RAPGEF2: variants seen among roughly 807,000 people sequenced by gnomAD.
RAPGEF2 encodes the protein PDZ domain containing guanine nucleotide exchange factor (GEF) 1.
A neutral mutation model predicts 186.7 loss-of-function variants in RAPGEF2; 54 were observed. The ratio of observed to expected loss-of-function variants is 0.29; its 90% CI spans 0.23 to 0.36. The LOEUF (loss-of-function observed/expected upper bound fraction) is 0.36, where lower values mean the gene tolerates loss of function less well. RAPGEF2 is among the 10% of genes least tolerant of loss of function. The pLI is 1.00. For synonymous variants in RAPGEF2, 712 were observed against 705.9 expected (o/e 1.01, Z -0.14); for missense variants, 1,532 against 2,045.0 (o/e 0.75, Z 4.84).
chr4:159,250,938 G>A (rs1236439963), intron 7 of RAPGEF2, among the ~76,000 whole-genome samples: 2 of 152,168 alleles, frequency 1.3e-5, no homozygotes, highest in Non-Finnish European at 2.9e-5. Context: ...TGCGCAGGTG[G>A]GAACCTGGGC....
chr4:159,128,919 G>A (rs1056653205), intron 1 of RAPGEF2: 1 of 57,252 alleles, frequency 1.7e-5, no homozygotes, highest in African/African-American at 8.2e-5. Flanking sequence ...ATACATATGG[G>A]GGGTGTGTGT....
Position 159,352,846 on chromosome 4 carries a change from A to G in RAPGEF2, c.4027A>G (p.Thr1343Ala). ...GAGGCATTCTGTCAGCATCGTGGAAACAAACCTAGGGATGGGCAGGATGGA... is the reference window on the plus strand; with the variant it reads ...GAGGCATTCTGTCAGCATCGTGGAAGCAAACCTAGGGATGGGCAGGATGGA... ...RQRHSVSIVE[T>A]NLGMGRMERR... The change falls in exon 27 of 30, where the codon ACA becomes GCA. Residue 1343 changes from threonine to alanine, a missense_variant. Physicochemically the swap from Thr to Ala is moderately conservative, Grantham distance 58. Coordinates refer to ENST00000691494, the MANE Select transcript of RAPGEF2 (RefSeq NM_001394067.2). 6.2e-7 allele frequency: 1 copy of G among 1,614,232 alleles called. No individual in the cohort carries two copies. Among genetic ancestry groups the G allele is most frequent in the Non-Finnish European group, 8.5e-7 (1 of 1,180,048 alleles).
chr4:159,318,936 G>A (rs1222280471), intron 9 of RAPGEF2, among the ~76,000 whole-genome samples: 1 of 152,050 alleles, frequency 6.6e-6, no homozygotes. Context: ...CGTTAGATAG[G>A]TCATAATAGT....
At chr4:159,241,468 T>A in intron 6 of RAPGEF2, 100 bp downstream of exon 6, 1 of 516,362 alleles carries the variant, frequency 1.9e-6, no homozygotes, top group Non-Finnish European at 2.9e-6. Flanking sequence ...ATCTTTTCAA[T>A]TATATATATA....
intron 1 of RAPGEF2, among the ~76,000 whole-genome samples, chr4:159,144,025 A>G (rs935631028): frequency 6.6e-6 from 1 of 152,140 alleles, no homozygotes; most frequent in Non-Finnish European, 1.5e-5. Context: ...GTCTATGTGT[A>G]TATGTCTGAC....
chr4:159,204,457 AGATCAAGTATTTCCC>A (rs1749756794), intron 3 of RAPGEF2, among the ~76,000 whole-genome samples: 1 of 152,214 alleles, frequency 6.6e-6, no homozygotes, highest in Non-Finnish European at 1.5e-5. Context: ...TGAGGGGGTC[AGATCAAGTATTTCCC>A]TCATGCCCAT....
intron 1 of RAPGEF2, among the ~76,000 whole-genome samples, chr4:159,126,533 A>T (rs898640106): frequency 2.0e-5 from 3 of 147,032 alleles, no homozygotes; most frequent in Non-Finnish European, 1.5e-5. Context: ...CCAGGTTTTA[A>T]AAAAAAAAAA....
chr4:159,348,282 G>A (rs373805777), intron 25 of RAPGEF2, among the ~76,000 whole-genome samples: 7 of 120,414 alleles, frequency 5.8e-5, no homozygotes, highest in African/African-American at 1.1e-4. Flanking sequence ...ATGGATGGAT[G>A]GATAGATAGA....
At chr4:159,251,976 A>C (rs896363841) in intron 7 of RAPGEF2, among the ~76,000 whole-genome samples, 13 of 152,094 alleles carry the variant, frequency 8.5e-5, no homozygotes, top group Non-Finnish European at 1.5e-4. Flanking sequence ...TTCCCTCCTG[A>C]AGTCAGAGAC....
intron 1 of RAPGEF2, among the ~76,000 whole-genome samples, chr4:159,148,456 A>G (rs1000736761): frequency 1.3e-5 from 2 of 152,232 alleles, no homozygotes; most frequent in African/African-American, 2.4e-5. Flanking sequence ...AAGTCAAACT[A>G]TCAGATTATT....
rs1753622538 is a variant in RAPGEF2, at chr4:159,238,956, C to CT, written c.357+74dup. 3 of 874,624 alleles carry CT rather than the reference C, an allele frequency of 3.4e-6. No homozygotes were observed. The East Asian group carries it at 9.0e-5, about 26-fold the overall frequency. 54.2% of individuals were successfully genotyped at this position (874,624 alleles called of 1,614,324 possible). A position where few individuals can be genotyped will look rare whatever the true frequency, so the allele number is the denominator to read the frequency against. On this transcript the variant is annotated intron_variant, in intron 5 of 29. Coordinates refer to ENST00000691494, the MANE Select transcript of RAPGEF2 (RefSeq NM_001394067.2). The stretch of plus-strand genomic sequence containing the variant: ...GAAATAAAGGCATTTTTATAAACTG[C>CT]TTATAATATTAGATTTTTGTTGAAT...
chr4:159,209,110 T>C (rs1023864666), intron 3 of RAPGEF2, among the ~76,000 whole-genome samples: 1 of 151,170 alleles, frequency 6.6e-6, no homozygotes, highest in African/African-American at 2.4e-5. Context: ...CAGGCTGGTC[T>C]TGAACTCCTG....
chr4:159,186,623 ATTCTT>A lies in RAPGEF2; in HGVS notation c.70-12_70-8del, dbSNP rs775927110. On this transcript the variant is annotated splice_polypyrimidine_tract_variant and intron_variant, in intron 1 of 29. Coordinates refer to ENST00000691494, the MANE Select transcript of RAPGEF2 (RefSeq NM_001394067.2). ...TTTCCTGACAGGTCTAATAATTTCT[ATTCTT>A]TTCTTTGAAACAGGATCTGGAAATA... The A allele has an allele frequency of 7.5e-7, 1 of 1,336,754 alleles. No homozygotes were observed. Among genetic ancestry groups the A allele is most frequent in the Non-Finnish European group, 1.0e-6 (1 of 996,262 alleles). The allele number at this position is 1,336,754 out of a possible 1,614,324, so 82.8% of individuals were successfully genotyped here. A position where few individuals can be genotyped will look rare whatever the true frequency, so the allele number is the denominator to read the frequency against.
At chr4:159,320,989 C>T (rs1765169988) in intron 9 of RAPGEF2, among the ~76,000 whole-genome samples, 1 of 151,972 alleles carries the variant, frequency 6.6e-6, no homozygotes, top group Non-Finnish European at 1.5e-5. Context: ...ATCTTTATTG[C>T]ATTTTATTCT....
chr4:159,294,293 T>G (rs115977431), intron 7 of RAPGEF2, among the ~76,000 whole-genome samples: 1 of 152,180 alleles, frequency 6.6e-6, no homozygotes, highest in Non-Finnish European at 1.5e-5. Flanking sequence ...CCATACTCCA[T>G]TGAGCATTTC....
chr4:159,322,171 C>T (rs901707742), intron 9 of RAPGEF2, among the ~76,000 whole-genome samples, 176 bp from the exon 10 acceptor site: 12 of 152,172 alleles, frequency 7.9e-5, no homozygotes, highest in African/African-American at 2.9e-4. Flanking sequence ...TCCACAGTGA[C>T]AGAATTCTTT....
At chr4:159,286,030 A>AGCC (rs1554026580) in intron 7 of RAPGEF2, among the ~76,000 whole-genome samples, 1 of 89,234 alleles carries the variant, frequency 1.1e-5, no homozygotes, top group Non-Finnish European at 2.4e-5. Context: ...TGTTCCCCCC[A>AGCC]ACCACCACCA....
chr4:159,104,553 AGTGTGTGT>A (rs1219918425), intron 1 of RAPGEF2, among the ~76,000 whole-genome samples: 2 of 136,028 alleles, frequency 1.5e-5, no homozygotes, highest in African/African-American at 5.9e-5. Flanking sequence ...AGAGAGAGAG[AGTGTGTGT>A]GTGTGTGTGT....
chr4:159,156,551 G>C (rs1365795170), intron 1 of RAPGEF2, among the ~76,000 whole-genome samples: 1 of 151,886 alleles, frequency 6.6e-6, no homozygotes, highest in Non-Finnish European at 1.5e-5. Context: ...TGATACATAG[G>C]TATACATGTG....
Sources: gnomAD v4.1 joint callset for allele counts (sites outside exome capture counted in the v4.1 genomes callset) on GRCh38, gnomAD v4.1.1 for gene constraint, MANE v1.5 for transcripts, NCBI Gene and HGNC (gene_info 2026-07-23, HGNC 2026-07-21) for gene names.